TENM2: variants seen among roughly 807,000 people sequenced by gnomAD.
TENM2 encodes teneurin transmembrane protein 2, also known as teneurin-2.
A neutral mutation model predicts 245.2 loss-of-function variants in TENM2; 52 were observed. The ratio of observed to expected loss-of-function variants is 0.21; its 90% CI spans 0.17 to 0.27. The LOEUF is 0.27. Among genes scored for constraint, TENM2 ranks in the 10% least tolerant of loss-of-function variants. TENM2 has a pLI of 1.00. For missense variants in TENM2, 3,046 were observed against 3,666.8 expected, an observed-to-expected ratio of 0.83 and a Z score of 4.37; for synonymous variants, 1,363 against 1,438.9, an observed-to-expected ratio of 0.95 and a Z score of 1.19.
chr5:168,216,713 C>A, intron 21 of TENM2, 55 bp from the exon 24 acceptor site: 2 of 1,594,142 alleles, frequency 1.3e-6, no homozygotes, highest in South Asian at 2.2e-5. Context: ...CCCACCTCCA[C>A]CCCGCAATCC....
In TENM2 at chr5:168,247,425, G is replaced by T. The variant is rs1194971720; in HGVS notation, c.6486G>T (p.Glu2162Asp). Residue 2162 changes from glutamate (E) to aspartate (D), a missense_variant, in exon 27 of 29, where the codon GAG (glutamate) becomes GAT (aspartate). Transcript: ENST00000518659. This position sits in a 1 kb window ranked among gnomAD's most constrained non-coding sequence, Gnocchi z 7.8. ...TCGACACCCATGGGCGGATCAAGGA[G>T]GTCCAGTATGAGATGTTCCGGTCCC... is the stretch of plus-strand genomic sequence containing the variant. 2 of 1,613,894 alleles carry T rather than the reference G, an allele frequency of 1.2e-6. No individual in the cohort carries two copies. The highest frequency in any genetic ancestry group is 1.7e-5 in the Admixed American group (1 of 60,016).
At chr5:167,505,166 C>T (rs1562009539) in intron 2 of TENM2, among the ~76,000 whole-genome samples, 1 of 152,060 alleles carries the variant, frequency 6.6e-6, no homozygotes, top group Non-Finnish European at 1.5e-5. Context: ...CTATCATTTT[C>T]TTAGTAATGA....
the TENM2 span, among the ~76,000 whole-genome samples, chr5:167,219,721 A>G: frequency 3.3e-4 from 51 of 152,342 alleles, no homozygotes; most frequent in Non-Finnish European, 6.6e-4. Context: ...ATTTGCCTGA[A>G]AAGGCTCATT....
chr5:168,076,811 T>C (rs1791517761), intron 7 of TENM2, among the ~76,000 whole-genome samples: 1 of 152,210 alleles, frequency 6.6e-6, no homozygotes, highest in Non-Finnish European at 1.5e-5. Flanking sequence ...AACCAGATGT[T>C]GGCTGGGGCT....
At chr5:167,735,642 C>T (rs983118314) in intron 2 of TENM2, among the ~76,000 whole-genome samples, 1 of 151,922 alleles carries the variant, frequency 6.6e-6, no homozygotes, top group Non-Finnish European at 1.5e-5. Flanking sequence ...CCCATCTCTA[C>T]AAAAAATACA....
chr5:167,329,195 C>T (rs1457712457), intron 1 of TENM2, among the ~76,000 whole-genome samples: 1 of 151,940 alleles, frequency 6.6e-6, no homozygotes, highest in African/African-American at 2.4e-5. Flanking sequence ...AATACCTTGT[C>T]AAGAAGTTTG....
intron 9 of TENM2, among the ~76,000 whole-genome samples, chr5:168,113,918 A>G (rs951557510): frequency 1.3e-5 from 2 of 152,250 alleles, no homozygotes; most frequent in Non-Finnish European, 2.9e-5. Flanking sequence ...AAAACGCTCC[A>G]CTTTCATACC....
chr5:166,988,009 C>T, the TENM2 span, among the ~76,000 whole-genome samples: 2 of 152,236 alleles, frequency 1.3e-5, no homozygotes, highest in Admixed American at 6.5e-5. Context: ...TTTTATCAAT[C>T]ATTTGTGGGA....
intron 5 of TENM2, among the ~76,000 whole-genome samples, chr5:168,022,887 C>T (rs1038124729): frequency 2.0e-5 from 3 of 152,160 alleles, no homozygotes; most frequent in South Asian, 2.1e-4. Context: ...CATTCTGCCC[C>T]GCTCGAAGCC....
At chr5:167,381,922 T>C (rs1483318335) in intron 2 of TENM2, among the ~76,000 whole-genome samples, 1 of 152,152 alleles carries the variant, frequency 6.6e-6, no homozygotes. Flanking sequence ...TTTAAATGCT[T>C]CAGATAAAAT....
chr5:167,059,460 T>C, the TENM2 span, among the ~76,000 whole-genome samples: 1 of 152,188 alleles, frequency 6.6e-6, no homozygotes, highest in Non-Finnish European at 1.5e-5. Context: ...CGAATGTTTC[T>C]ACTACCTTGT....
intron 2 of TENM2, among the ~76,000 whole-genome samples, chr5:167,696,702 T>A (rs774562435): frequency 1.3e-5 from 2 of 152,206 alleles, no homozygotes; most frequent in Non-Finnish European, 2.9e-5. Flanking sequence ...CTCTTTGATC[T>A]CAAATGTCTC....
chr5:167,192,787 G>T, the TENM2 span, among the ~76,000 whole-genome samples: 1 of 152,056 alleles, frequency 6.6e-6, no homozygotes, highest in Non-Finnish European at 1.5e-5. Flanking sequence ...GGAAAAAAAT[G>T]ACTTCTGATT....
intron 2 of TENM2, among the ~76,000 whole-genome samples, chr5:167,602,048 T>C (rs1582509924): frequency 2.0e-5 from 3 of 150,024 alleles, no homozygotes; most frequent in African/African-American, 7.3e-5. Context: ...ACAGAGAAGG[T>C]AGCTTTTCTT....
intron 2 of TENM2, among the ~76,000 whole-genome samples, chr5:167,692,804 G>T (rs1210938214): frequency 6.6e-6 from 1 of 152,180 alleles, no homozygotes; most frequent in Non-Finnish European, 1.5e-5. Context: ...TGGCCTTTGG[G>T]CTTTCTTCTA....
intron 2 of TENM2, among the ~76,000 whole-genome samples, chr5:167,754,710 C>A (rs530408974): frequency 3.1e-5 from 4 of 128,992 alleles, no homozygotes; most frequent in Non-Finnish European, 6.4e-5. Flanking sequence ...CATGAACAAA[C>A]CTTTTTAAGA....
intron 2 of TENM2, among the ~76,000 whole-genome samples, chr5:167,693,650 A>AC: frequency 6.6e-6 from 1 of 151,252 alleles, no homozygotes; most frequent in Admixed American, 6.6e-5. Context: ...AAAAAAAAAA[A>AC]CCACTTGATT....
chr5:167,206,045 T>C, the TENM2 span, among the ~76,000 whole-genome samples: 1 of 152,212 alleles, frequency 6.6e-6, no homozygotes, highest in African/African-American at 2.4e-5. Context: ...TGATTAGTCA[T>C]CTTAATGACA....
chr5:167,897,534 T>C (rs1561909571), intron 3 of TENM2, among the ~76,000 whole-genome samples: 1 of 152,228 alleles, frequency 6.6e-6, no homozygotes, highest in Non-Finnish European at 1.5e-5. Context: ...CCCTGGAGAA[T>C]AAAGGATGCT....
Sources: allele counts gnomAD v4.1 joint callset (sites outside exome capture counted in the v4.1 genomes callset), GRCh38; gene constraint gnomAD v4.1.1; non-coding constraint Gnocchi (gnomAD v3.1); transcripts MANE v1.5; gene names NCBI Gene and HGNC (gene_info 2026-07-23, HGNC 2026-07-21).